Variants in CSMD1 observed in about 807,000 individuals in gnomAD.
CSMD1 encodes the protein CUB and sushi domain-containing protein 1.
CSMD1 carries 213 observed loss-of-function variants against 417.5 expected under a neutral mutation model. The observed-to-expected ratio is 0.51, with a 90% CI of 0.46 to 0.57. The LOEUF is 0.57. CSMD1 is among the 20% of genes least tolerant of loss of function. The pLI, the probability that CSMD1 is intolerant of heterozygous loss-of-function variation, is 0.00. For synonymous variants in CSMD1, 2,862 were observed against 1,736.8 expected (o/e 1.65, Z -16.11); for missense variants, 6,923 against 4,529.7 (o/e 1.53, Z -15.17).
intron 3 of CSMD1, among the ~76,000 whole-genome samples, chr8:4,287,250 T>G (rs1797110726): frequency 6.6e-6 from 1 of 152,144 alleles, no homozygotes; most frequent in Non-Finnish European, 1.5e-5. Context: ...TCTAAAAGAT[T>G]CCCCCTCACA....
chr8:3,549,515 C>G (rs1798819850), intron 10 of CSMD1, among the ~76,000 whole-genome samples: 2 of 152,172 alleles, frequency 1.3e-5, no homozygotes, highest in African/African-American at 4.8e-5. Context: ...GTCGTCAGGG[C>G]TCTCCTTTCT....
intron 1 of CSMD1, among the ~76,000 whole-genome samples, chr8:4,947,237 C>A (rs1808429052): frequency 1.3e-5 from 2 of 152,254 alleles, no homozygotes; most frequent in East Asian, 1.9e-4. Flanking sequence ...TGACTTCAAA[C>A]AGTGAAATTT....
At chr8:4,269,720 T>C (rs1180308273) in intron 3 of CSMD1, among the ~76,000 whole-genome samples, 4 of 152,202 alleles carry the variant, frequency 2.6e-5, no homozygotes. Context: ...ATCTGTTGAA[T>C]TCTTAATATT....
At chr8:4,454,167 T>A (rs1452020383) in intron 2 of CSMD1, among the ~76,000 whole-genome samples, 1 of 152,062 alleles carries the variant, frequency 6.6e-6, no homozygotes, top group Admixed American at 6.6e-5. Flanking sequence ...AGATTCAGCC[T>A]ATTATCAGTT....
At chr8:3,355,469 C>G (rs1388409070) in intron 21 of CSMD1, among the ~76,000 whole-genome samples, 1 of 152,154 alleles carries the variant, frequency 6.6e-6, no homozygotes, top group East Asian at 1.9e-4. Flanking sequence ...TCTAAATGTG[C>G]TAAGCCAATC....
At chr8:3,349,803 A>G (rs988414319) in intron 21 of CSMD1, among the ~76,000 whole-genome samples, 104 of 144,408 alleles carry the variant, frequency 7.2e-4, no homozygotes, top group Non-Finnish European at 1.3e-3. Context: ...ATCTATAAAT[A>G]GATATAAATA....
Position 4,913,248 on chromosome 8 carries a change from G to C in CSMD1, c.85+81084C>G, listed in dbSNP as rs369230300. ...TCCCAAACTCCGTCACGCAACACAA[G>C]TTGTTTCTCTTCTTTCCTGCCACAG... On this transcript the variant is annotated intron_variant, in intron 1 of 69. Transcript: ENST00000635120. Among the ~76,000 whole-genome samples the C allele has an allele frequency of 1.4e-4, 22 of 152,286 alleles. No homozygotes were observed. In the East Asian group the frequency reaches 2.1e-3, roughly 15 times the overall value.
chr8:4,527,701 T>C (rs951582295), intron 2 of CSMD1, among the ~76,000 whole-genome samples: 2 of 152,192 alleles, frequency 1.3e-5, no homozygotes, highest in African/African-American at 4.8e-5. Context: ...TACATTTCTT[T>C]CTATTAATAG....
rs73657589 is a variant in CSMD1, at chr8:3,154,935, C to A, written c.5914+2962G>T. On this transcript the variant is annotated intron_variant, in intron 39 of 69. Transcript: ENST00000635120. ...ATCTAAAGCTAACAGCTACAAAAAA[C>A]CTTTTAATCACTAGAATCTGTCTTT... is the stretch of plus-strand genomic sequence containing the variant. Among the ~76,000 whole-genome samples the A allele has an allele frequency of 3.4e-3, 512 of 152,162 alleles. 4 individuals carry two copies. Among genetic ancestry groups the A allele is most frequent in the African/African-American group, 0.012 (490 of 41,500 alleles).
chr8:3,165,230 A>G (rs952584739), intron 37 of CSMD1, among the ~76,000 whole-genome samples: 1 of 151,996 alleles, frequency 6.6e-6, no homozygotes, highest in Non-Finnish European at 1.5e-5. Context: ...ATGTGTAAGA[A>G]TATTTTTTAT....
chr8:4,204,315 A>G (rs1463095805), intron 3 of CSMD1, among the ~76,000 whole-genome samples: 1 of 152,078 alleles, frequency 6.6e-6, no homozygotes, highest in African/African-American at 2.4e-5. Flanking sequence ...TCTCAGAATC[A>G]GAATAGTTTT....
chr8:4,333,802 G>C (rs894037592), intron 3 of CSMD1, among the ~76,000 whole-genome samples: 2 of 152,112 alleles, frequency 1.3e-5, no homozygotes, highest in East Asian at 1.9e-4. Flanking sequence ...GAAACACATT[G>C]CTTGTGTGCA....
At chr8:4,829,713 G>C (rs1398251350) in intron 1 of CSMD1, among the ~76,000 whole-genome samples, 1 of 146,876 alleles carries the variant, frequency 6.8e-6, no homozygotes, top group East Asian at 2.0e-4. Context: ...ACTCCAGCTT[G>C]GATGGCAGAG....
intron 10 of CSMD1, among the ~76,000 whole-genome samples, chr8:3,511,914 A>G (rs1449226843): frequency 1.3e-5 from 2 of 152,172 alleles, no homozygotes; most frequent in Non-Finnish European, 2.9e-5. Context: ...AATTAAAAAA[A>G]AAAAAACGGT....
At chr8:3,394,509 G>T (rs1294738756) in intron 17 of CSMD1, among the ~76,000 whole-genome samples, 1 of 151,956 alleles carries the variant, frequency 6.6e-6, no homozygotes, top group Non-Finnish European at 1.5e-5. Context: ...TACAGCTACA[G>T]AAATACAGAT....
chr8:4,218,237 G>A (rs1800803324), intron 3 of CSMD1, among the ~76,000 whole-genome samples: 2 of 152,058 alleles, frequency 1.3e-5, no homozygotes, highest in African/African-American at 2.4e-5. Flanking sequence ...AGTATCCCAG[G>A]GATGTAGCAA....
chr8:3,806,471 C>G (rs566000962), intron 5 of CSMD1, among the ~76,000 whole-genome samples: 2 of 152,300 alleles, frequency 1.3e-5, no homozygotes, highest in Non-Finnish European at 2.9e-5. Flanking sequence ...CTATCAGCTT[C>G]TATAACTGAG....
rs1027692302 is a variant in CSMD1 at position 4,313,473 on chromosome 8, C to T, written c.415+106480G>A. On this transcript the variant is annotated intron_variant, in intron 3 of 69. Transcript: ENST00000635120. ...CTGAAAATGTTAGCAATGCAGGAAC[C>T]CGAAGAGCTCCCAAAGGTCTTACAT... 2.7e-5 allele frequency among the ~76,000 whole-genome samples: 4 copies of T among 148,304 alleles called. No homozygotes were observed. In the East Asian group the frequency reaches 8.0e-4, roughly 30 times the overall value.
chr8:3,375,552 T>TTA (rs1231380780), intron 18 of CSMD1, among the ~76,000 whole-genome samples: 1 of 152,162 alleles, frequency 6.6e-6, no homozygotes, highest in East Asian at 1.9e-4. Flanking sequence ...TATGAATACA[T>TTA]TATATATATT....
Sources: allele counts gnomAD v4.1 joint callset (sites outside exome capture counted in the v4.1 genomes callset), GRCh38; gene constraint gnomAD v4.1.1; transcripts MANE v1.5; gene names NCBI Gene and HGNC (gene_info 2026-07-23, HGNC 2026-07-21).